RAB31: variants seen among roughly 807,000 people sequenced by gnomAD.
RAB31 encodes RAB31, member RAS oncogene family, also known as ras-related protein Rab-31.
In RAB31, 21 loss-of-function variants were observed where a neutral mutation model predicts 25.6. The observed-to-expected ratio is 0.82, with a 90% confidence interval of 0.58 to 1.18. The LOEUF (loss-of-function observed/expected upper bound fraction) is 1.18. RAB31 is among the 50% of genes most tolerant of loss of function. The pLI is 0.00. For missense variants in RAB31, 196 were observed against 250.1 expected (o/e 0.78, Z 1.46); for synonymous variants, 87 against 84.0 (o/e 1.04, Z -0.20).
At chr18:9,839,864 A>G (rs561679881) in intron 5 of RAB31, among the ~76,000 whole-genome samples, 17 of 152,252 alleles carry the variant, frequency 1.1e-4, no homozygotes, top group African/African-American at 4.1e-4. Flanking sequence ...TTTCATTCCC[A>G]TCACCTGAGC....
intron 2 of RAB31, among the ~76,000 whole-genome samples, chr18:9,791,558 C>T (rs142011005): frequency 0.013 from 2,013 of 151,168 alleles, 39 homozygotes; most frequent in African/African-American, 0.044. Flanking sequence ...CCACCATGCC[C>T]GGCTAATTTT....
intron 1 of RAB31, among the ~76,000 whole-genome samples, chr18:9,734,620 C>T (rs963156214): frequency 6.6e-6 from 1 of 151,988 alleles, no homozygotes; most frequent in Non-Finnish European, 1.5e-5. Flanking sequence ...GAAAGGATCC[C>T]GGATACGATG....
At chr18:9,818,807 A>C (rs941686155) in intron 5 of RAB31, among the ~76,000 whole-genome samples, 1 of 152,168 alleles carries the variant, frequency 6.6e-6, no homozygotes, top group Admixed American at 6.5e-5. Context: ...ACCAACATTT[A>C]TTGCCTGTCT....
At chr18:9,804,315 G>T (rs2267565) in intron 3 of RAB31, among the ~76,000 whole-genome samples, 9,964 of 152,250 alleles carry the variant, frequency 0.065, 411 homozygotes, top group East Asian at 0.1. Context: ...CCCAGGTCAG[G>T]CAATGACATT....
At chr18:9,856,387 C>T (rs1050952693) in intron 6 of RAB31, 1 of 152,206 alleles carries the variant, frequency 6.6e-6, no homozygotes, top group Non-Finnish European at 1.5e-5. Flanking sequence ...TCCTACTTTG[C>T]TATCTGTACG....
intron 1 of RAB31, among the ~76,000 whole-genome samples, chr18:9,720,999 A>T (rs2068071249): frequency 1.3e-5 from 2 of 152,146 alleles, no homozygotes; most frequent in Non-Finnish European, 2.9e-5. Context: ...TCCGTGGTCC[A>T]TCATGGGAGG....
At chr18:9,812,106 C>T (rs917070018) in intron 3 of RAB31, among the ~76,000 whole-genome samples, 1 of 152,100 alleles carries the variant, frequency 6.6e-6, no homozygotes, top group South Asian at 2.1e-4. Flanking sequence ...GAGATCTGGT[C>T]TCCTTCTCTC....
intron 5 of RAB31, 26 bp from the exon 6 acceptor site, chr18:9,845,556 C>T (rs528578653): frequency 1.3e-6 from 2 of 1,501,644 alleles, no homozygotes; most frequent in South Asian, 1.3e-5. Context: ...CATTCATTTC[C>T]TGTCTACATT....
rs140557439 is a variant in RAB31, at chr18:9,802,160, A to T, written c.201+9925A>T. 3.1e-3 allele frequency among the ~76,000 whole-genome samples: 477 copies of T among 152,272 alleles called. 2 individuals are homozygous for T. The highest frequency in any genetic ancestry group is 0.011 in the African/African-American group (466 of 41,558). ...CAAGATTGTTTTAGCTATTCTGTGT[A>T]TGTTGCATTTCCAAATGAATTTTAG... is the stretch of plus-strand genomic sequence containing the variant. On this transcript the variant is annotated intron_variant, in intron 3 of 6. Transcript: ENST00000578921.
At chr18:9,804,222 G>C (rs544086867) in intron 3 of RAB31, among the ~76,000 whole-genome samples, 1 of 152,240 alleles carries the variant, frequency 6.6e-6, no homozygotes, top group Admixed American at 6.5e-5. Context: ...TCTCCAGTGC[G>C]TGTCCCCTTC....
rs937239462 is a variant in RAB31 at position 9,859,418 on chromosome 18, C to A, written c.*93C>A. ...CTACGCTCGGTGGCCTGGCACCTCA[C>A]TTTGAGAAGAGTGAGCACACTGGCT... On this transcript the variant is annotated 3_prime_UTR_variant, in exon 7 of 7. Transcript: ENST00000578921. 2.7e-6 allele frequency: 3 copies of A among 1,116,356 alleles called. No homozygotes were observed. The highest frequency in any genetic ancestry group is 1.6e-5 in the African/African-American group (1 of 63,610). 69.2% of individuals were successfully genotyped at this position (1,116,356 alleles called of 1,614,324 possible).
chr18:9,715,771 A>G (rs961235389), intron 1 of RAB31, among the ~76,000 whole-genome samples: 4 of 152,056 alleles, frequency 2.6e-5, no homozygotes, highest in African/African-American at 9.7e-5. Flanking sequence ...GCCTCAAGCA[A>G]TCTGCCTGCC....
intron 1 of RAB31, among the ~76,000 whole-genome samples, chr18:9,736,768 TA>T (rs1209129258): frequency 2.0e-5 from 3 of 152,166 alleles, no homozygotes; most frequent in Non-Finnish European, 4.4e-5. Flanking sequence ...ATTGTGGTGG[TA>T]AAAAAACTTG....
chr18:9,711,129 GA>G lies in RAB31; in HGVS notation c.39+2686del, dbSNP rs1179128561. Among the ~76,000 whole-genome samples, 4 of 152,050 alleles carry G rather than the reference GA, an allele frequency of 2.6e-5. No homozygotes were observed. The East Asian group carries it at 7.7e-4, about 29-fold the overall frequency. On this transcript the variant is annotated intron_variant, in intron 1 of 6. Transcript: ENST00000578921. ...CTGATTCTCTGGGTGGGATAACATT[GA>G]GGGAGATCAAAACCATTTGACTGTC...
intron 1 of RAB31, among the ~76,000 whole-genome samples, chr18:9,709,884 C>A (rs1216921739): frequency 6.6e-6 from 1 of 152,204 alleles, no homozygotes; most frequent in South Asian, 2.1e-4. Context: ...TCTTGAGGGG[C>A]CATTTCAGCC....
rs537647884 is a variant in RAB31, at chr18:9,836,194, C to T, written c.381-9388C>T. Among the ~76,000 whole-genome samples, 17 of 151,760 alleles carry T rather than the reference C, an allele frequency of 1.1e-4. No homozygotes were observed. In the South Asian group the frequency reaches 3.5e-3, roughly 32 times the overall value. ...TTGACCTTGGAAGGGGGCTGTGGCT[C>T]GGGGAGAGAGTAAAAATATAATGCA... On this transcript the variant is annotated intron_variant, in intron 5 of 6. Transcript: ENST00000578921.
chr18:9,720,373 A>G (rs930355152), intron 1 of RAB31, among the ~76,000 whole-genome samples: 2 of 152,186 alleles, frequency 1.3e-5, no homozygotes, highest in African/African-American at 4.8e-5. Context: ...TACATGGGAA[A>G]AGTTAGGTAA....
At chr18:9,770,259 A>G (rs1334179722) in intron 1 of RAB31, among the ~76,000 whole-genome samples, 2 of 152,136 alleles carry the variant, frequency 1.3e-5, no homozygotes, top group East Asian at 3.8e-4. Flanking sequence ...TTTCAAAAGG[A>G]ATGTTAGCAG....
In RAB31 at chr18:9,770,097, T is replaced by C. The variant is rs1228178894; in HGVS notation, c.40-5181T>C. ...GCTGCTGGATTCAGTTTGCCAGTAT[T>C]TTATTGAGGATTTTTGCGTTGGTGT... On this transcript the variant is annotated intron_variant, in intron 1 of 6. Transcript: ENST00000578921. Among the ~76,000 whole-genome samples the C allele has an allele frequency of 2.6e-5, 4 of 152,302 alleles. No individual in the cohort carries two copies. In the East Asian group the frequency reaches 7.7e-4, roughly 29 times the overall value.
Sources: gnomAD v4.1 joint callset for allele counts (sites outside exome capture counted in the v4.1 genomes callset) on GRCh38, gnomAD v4.1.1 for gene constraint, MANE v1.5 for transcripts, NCBI Gene and HGNC (gene_info 2026-07-23, HGNC 2026-07-21) for gene names.